UVRAG: variants seen among roughly 807,000 people sequenced by gnomAD.
UVRAG encodes UV radiation resistance associated, also known as UV radiation resistance-associated gene protein.
In UVRAG, 19 loss-of-function variants were observed where a neutral mutation model predicts 78.0. The observed-to-expected ratio is 0.24, with a 90% CI of 0.17 to 0.36. The LOEUF is 0.36. Ranked by LOEUF, UVRAG falls within the 10% of genes least tolerant of loss-of-function variation. The pLI is 1.00. For missense variants in UVRAG, 740 were observed against 853.8 expected (o/e 0.87, Z 1.66); for synonymous variants, 323 against 324.6 (o/e 1.00, Z 0.05).
intron 7 of UVRAG, among the ~76,000 whole-genome samples, chr11:75,979,211 G>A (rs760500634): frequency 8.5e-5 from 13 of 152,210 alleles, no homozygotes; most frequent in South Asian, 2.1e-4. Flanking sequence ...AACGGCAAAT[G>A]TTGCTGCCTG....
chr11:76,092,950 A>G (rs2134430725), intron 13 of UVRAG, among the ~76,000 whole-genome samples: 1 of 152,280 alleles, frequency 6.6e-6, no homozygotes, highest in East Asian at 1.9e-4. Flanking sequence ...GTTTTCTTCT[A>G]GGATTTTTAT....
rs1229733604 is a variant in UVRAG, at chr11:75,815,380, C to T, written c.-28C>T. 3 of 1,179,170 alleles carry T rather than the reference C, an allele frequency of 2.5e-6. No individual in the cohort carries two copies. The highest frequency in any genetic ancestry group is 3.6e-5 in the South Asian group (1 of 27,558). The allele number at this position is 1,179,170 out of a possible 1,614,324, so 73.0% of individuals were successfully genotyped here. On this transcript the variant is annotated 5_prime_UTR_variant, in exon 1 of 15. Transcript: ENST00000356136. ...CGGCGGATGCCGGAAGAGTGCCCGC[C>T]CCGCCGCTTGGCGGCCCCTGGATCG...
intron 8 of UVRAG, among the ~76,000 whole-genome samples, chr11:76,002,645 T>G (rs1448988018): frequency 2.6e-5 from 4 of 152,210 alleles, no homozygotes; most frequent in African/African-American, 9.6e-5. Flanking sequence ...AAAAAATCAC[T>G]AAGGTGAAGA....
intron 12 of UVRAG, among the ~76,000 whole-genome samples, chr11:76,021,687 T>C (rs1950248867): frequency 6.6e-6 from 1 of 152,260 alleles, no homozygotes; most frequent in Admixed American, 6.5e-5. Context: ...TTGTATGTTA[T>C]GTTTTTTTAA....
chr11:75,855,647 AC>A (rs1946273517), intron 2 of UVRAG, among the ~76,000 whole-genome samples: 2 of 152,228 alleles, frequency 1.3e-5, no homozygotes. Flanking sequence ...ATCATAAGAG[AC>A]CAATTGACTC....
At chr11:76,121,832 A>T (rs1952282912) in intron 14 of UVRAG, among the ~76,000 whole-genome samples, 1 of 152,170 alleles carries the variant, frequency 6.6e-6, no homozygotes, top group Non-Finnish European at 1.5e-5. Context: ...ATCCTATCTC[A>T]TTCATTCACT....
intron 8 of UVRAG, among the ~76,000 whole-genome samples, chr11:75,989,679 A>G (rs938779637): frequency 6.6e-6 from 1 of 152,212 alleles, no homozygotes; most frequent in Non-Finnish European, 1.5e-5. Context: ...CTTCAAAGAC[A>G]TGCTCAAATA....
intron 6 of UVRAG, among the ~76,000 whole-genome samples, chr11:75,937,936 G>A (rs1948405845): frequency 6.6e-6 from 1 of 151,884 alleles, no homozygotes; most frequent in Non-Finnish European, 1.5e-5. Flanking sequence ...TTTTGTTTTA[G>A]TCTTCCTCTG....
chr11:75,879,830 C>T (rs760540432), intron 3 of UVRAG, 49 bp from the exon 4 acceptor site: 42 of 1,574,490 alleles, frequency 2.7e-5, no homozygotes, highest in Middle Eastern at 1.7e-4. Flanking sequence ...TTGAAATAAT[C>T]GTAAACAAAT....
At chr11:75,906,360 G>GTTTT (rs1947614250) in intron 5 of UVRAG, among the ~76,000 whole-genome samples, 1 of 151,308 alleles carries the variant, frequency 6.6e-6, no homozygotes, top group African/African-American at 2.4e-5. Context: ...TTGTTTGTTT[G>GTTTT]TTTGGAGATA....
chr11:75,948,449 T>C (rs1404246916), intron 6 of UVRAG, among the ~76,000 whole-genome samples: 1 of 152,138 alleles, frequency 6.6e-6, no homozygotes, highest in African/African-American at 2.4e-5. Context: ...TTTAGGTGAT[T>C]GAACACAGGA....
chr11:76,140,499 T>G (rs1952696177), intron 14 of UVRAG, among the ~76,000 whole-genome samples: 1 of 152,194 alleles, frequency 6.6e-6, no homozygotes, highest in African/African-American at 2.4e-5. Flanking sequence ...GCAGTGTGTC[T>G]GTATCCTGCT....
chr11:76,134,243 G>A (rs2134505190), intron 14 of UVRAG, among the ~76,000 whole-genome samples: 1 of 149,342 alleles, frequency 6.7e-6, no homozygotes. Context: ...TTACAGGCAT[G>A]AGCCACCACA....
intron 12 of UVRAG, among the ~76,000 whole-genome samples, chr11:76,064,053 T>A (rs1173771347): frequency 6.6e-6 from 1 of 152,086 alleles, no homozygotes; most frequent in East Asian, 1.9e-4. Context: ...CCATACCTTG[T>A]GGCTTTTTGT....
intron 8 of UVRAG, among the ~76,000 whole-genome samples, chr11:75,988,951 G>A (rs1276190200): frequency 6.6e-6 from 1 of 151,968 alleles, no homozygotes; most frequent in African/African-American, 2.4e-5. Flanking sequence ...AGTTGTAAGA[G>A]TTCTTTTTAT....
chr11:76,055,599 G>C (rs1950967023), intron 12 of UVRAG, among the ~76,000 whole-genome samples: 1 of 152,158 alleles, frequency 6.6e-6, no homozygotes, highest in African/African-American at 2.4e-5. Flanking sequence ...GTAAGTTTCA[G>C]ATATCAGTAG....
At chr11:76,007,496 A>C in intron 9 of UVRAG, 38 bp from the exon 10 acceptor site, 1 of 1,458,860 alleles carries the variant, frequency 6.9e-7, no homozygotes, top group Non-Finnish European at 9.5e-7. Context: ...ATGCAAGCAT[A>C]TATTTTTTAA....
intron 12 of UVRAG, among the ~76,000 whole-genome samples, chr11:76,038,941 G>A (rs1950591616): frequency 6.6e-6 from 1 of 152,202 alleles, no homozygotes; most frequent in Non-Finnish European, 1.5e-5. Flanking sequence ...CTACACATGA[G>A]AAGCCTGGCC....
chr11:75,831,158 T>A (rs1485358420), intron 1 of UVRAG, among the ~76,000 whole-genome samples: 14 of 152,188 alleles, frequency 9.2e-5, no homozygotes, highest in Admixed American at 8.5e-4. Flanking sequence ...GCACTGAAGA[T>A]ACAGGATAAG....
Sources: gnomAD v4.1 joint callset for allele counts (sites outside exome capture counted in the v4.1 genomes callset) on GRCh38, gnomAD v4.1.1 for gene constraint, MANE v1.5 for transcripts, NCBI Gene and HGNC (gene_info 2026-07-23, HGNC 2026-07-21) for gene names.